Variants in SFSWAP observed in about 807,000 individuals in gnomAD.
SFSWAP encodes the protein splicing factor, suppressor of white-apricot homolog.
SFSWAP carries 17 observed loss-of-function variants against 100.7 expected under a neutral mutation model. The ratio of observed to expected loss-of-function variants is 0.17; its 90% confidence interval spans 0.12 to 0.25. The LOEUF (loss-of-function observed/expected upper bound fraction) is 0.25, where lower values mean the gene tolerates loss of function less well. Among genes scored for constraint, SFSWAP ranks in the 10% least tolerant of loss-of-function variants. The pLI, the probability that SFSWAP is intolerant of heterozygous loss-of-function variation, is 1.00. For missense variants in SFSWAP, 1,005 were observed against 1,262.6 expected (o/e 0.80, Z 3.09); for synonymous variants, 504 against 510.1 (o/e 0.99, Z 0.16).
At position 131,794,337 on chromosome 12, in the gene SFSWAP, C is replaced by CT. The variant is rs35416334; in HGVS notation, c.2535-2828dup. On this transcript the variant is annotated intron_variant, in intron 15 of 17. Coordinates refer to ENST00000261674, the MANE Select transcript of SFSWAP (RefSeq NM_004592.4). The surrounding 1 kb of genome is among the most constrained non-coding windows in gnomAD (Gnocchi z 4.8). ...ATTGCTTGAGCCCAGGATTTGCAGG[C>CT]TTTTTTTTTTTTTGGTAGAGACCCC... 0.048 allele frequency among the ~76,000 whole-genome samples: 6,319 copies of CT among 132,078 alleles called. 195 individuals are homozygous for CT. The highest frequency in any genetic ancestry group is 0.072 in the Non-Finnish European group (4,428 of 61,642). 86.6% of individuals were successfully genotyped at this position (132,078 alleles called of 152,430 possible).
chr12:131,755,621 T>C, intron 10 of SFSWAP, 142 bp downstream of exon 10: 1 of 626,822 alleles, frequency 1.6e-6, no homozygotes, highest in Admixed American at 2.9e-5. Context: ...TCTGGCATAC[T>C]CCATCTTTCA....
chr12:131,712,749 A>C (rs993932833), intron 1 of SFSWAP: 9 of 152,192 alleles, frequency 5.9e-5, no homozygotes, highest in Admixed American at 2.6e-4. Context: ...GTGCCTTCAC[A>C]CCATGGTTTA....
chr12:131,792,425 C>T (rs1461307890), intron 15 of SFSWAP, among the ~76,000 whole-genome samples: 1 of 129,144 alleles, frequency 7.7e-6, no homozygotes, highest in African/African-American at 3.1e-5. Flanking sequence ...TGCTCACAGA[C>T]CAGTACTGTG....
chr12:131,763,226 A>T (rs1882825116), intron 11 of SFSWAP, among the ~76,000 whole-genome samples: 1 of 152,142 alleles, frequency 6.6e-6, no homozygotes, highest in Non-Finnish European at 1.5e-5. Context: ...CAGGTAGCCC[A>T]CCCTGTGCTA....
chr12:131,744,450 A>G (rs575952938), intron 7 of SFSWAP, among the ~76,000 whole-genome samples: 1 of 152,336 alleles, frequency 6.6e-6, no homozygotes, highest in East Asian at 1.9e-4. Context: ...TTTTTGCCAA[A>G]ACATAAGAAG....
intron 14 of SFSWAP, among the ~76,000 whole-genome samples, chr12:131,779,195 C>CGGCGCGGGTG (rs1884267305): frequency 1.3e-5 from 2 of 149,870 alleles, no homozygotes; most frequent in Admixed American, 6.6e-5. Flanking sequence ...GTGAAGAGGG[C>CGGCGCGGGTG]AGCGCGGATG....
intron 7 of SFSWAP, among the ~76,000 whole-genome samples, chr12:131,736,776 A>G (rs1291675924): frequency 2.0e-5 from 3 of 152,134 alleles, no homozygotes; most frequent in African/African-American, 7.2e-5. Context: ...TGTATATGCG[A>G]GTTTGGGTAG....
intron 7 of SFSWAP, among the ~76,000 whole-genome samples, chr12:131,751,527 G>C (rs1038364553): frequency 6.6e-6 from 1 of 152,234 alleles, no homozygotes; most frequent in Non-Finnish European, 1.5e-5. Flanking sequence ...TGCTGGCTTC[G>C]CCCTGGCTGA....
chr12:131,799,171 G>A (rs570780178), intron 17 of SFSWAP, 62 bp downstream of exon 17: 1 of 1,368,288 alleles, frequency 7.3e-7, no homozygotes, highest in African/African-American at 1.4e-5. Context: ...TGGTTTCTCT[G>A]TTGCTAATTT....
At chr12:131,791,475 A>G (rs1186234611) in intron 15 of SFSWAP, among the ~76,000 whole-genome samples, 2 of 151,662 alleles carry the variant, frequency 1.3e-5, no homozygotes, top group African/African-American at 4.9e-5. Flanking sequence ...AGGAGGGGCC[A>G]GGCACGATGG....
In SFSWAP at chr12:131,711,140, G is replaced by C. The variant is rs1040757509; in HGVS notation, c.-90G>C. ...TGTTGAGGTTGGGTACGGGATGCGG[G>C]GTCTTTGACTGAAGGGGTAGGCCAA... On this transcript the variant is annotated 5_prime_UTR_variant, in exon 1 of 18. Transcript: ENST00000261674. This position sits in a 1 kb window ranked among gnomAD's most constrained non-coding sequence, Gnocchi z 4.9. The C allele has an allele frequency of 9.5e-7, 1 of 1,052,282 alleles. No homozygotes were observed. Among genetic ancestry groups the C allele is most frequent in the Non-Finnish European group, 1.3e-6 (1 of 746,146 alleles). The allele number at this position is 1,052,282 out of a possible 1,614,324, so 65.2% of individuals were successfully genotyped here. A position where few individuals can be genotyped will look rare whatever the true frequency, so the allele number is the denominator to read the frequency against.
At chr12:131,792,623 A>G (rs1885348709) in intron 15 of SFSWAP, among the ~76,000 whole-genome samples, 1 of 152,006 alleles carries the variant, frequency 6.6e-6, no homozygotes, top group South Asian at 2.1e-4. Flanking sequence ...ATGTGTGTTC[A>G]CAGATCAGTA....
intron 4 of SFSWAP, among the ~76,000 whole-genome samples, chr12:131,721,527 A>G (rs1000913267): frequency 2.6e-5 from 4 of 152,226 alleles, no homozygotes; most frequent in African/African-American, 7.2e-5. Flanking sequence ...TAAGTGCTCC[A>G]TCTCTATTTA....
intron 13 of SFSWAP, among the ~76,000 whole-genome samples, chr12:131,766,623 G>T (rs529907834): frequency 4.7e-4 from 72 of 152,348 alleles, no homozygotes; most frequent in African/African-American, 1.5e-3. Context: ...TCCTGCTGGG[G>T]AAATGTGGTG....
intron 4 of SFSWAP, among the ~76,000 whole-genome samples, chr12:131,722,983 C>T (rs1204385305): frequency 6.6e-6 from 1 of 152,072 alleles, no homozygotes; most frequent in Non-Finnish European, 1.5e-5. Context: ...CTCTATGAAG[C>T]AAATACAGTT....
intron 3 of SFSWAP, among the ~76,000 whole-genome samples, chr12:131,717,312 A>G (rs1878015960): frequency 6.6e-6 from 1 of 152,188 alleles, no homozygotes; most frequent in Non-Finnish European, 1.5e-5. Flanking sequence ...TGGTGCCTCC[A>G]TCTCTGATCT....
intron 3 of SFSWAP, among the ~76,000 whole-genome samples, chr12:131,717,445 A>G (rs901641806): frequency 1.3e-5 from 2 of 152,070 alleles, no homozygotes; most frequent in African/African-American, 2.4e-5. Context: ...TCACTGCTAT[A>G]TATCCATTTT....
At chr12:131,760,064 A>G (rs530947802) in intron 11 of SFSWAP, among the ~76,000 whole-genome samples, 1 of 152,330 alleles carries the variant, frequency 6.6e-6, no homozygotes, top group South Asian at 2.1e-4. Context: ...TTTGACAACC[A>G]TAATTCCATA....
rs376084110 is a variant in SFSWAP, at chr12:131,797,300, C to T, written c.2657C>T (p.Ser886Leu). The change falls in exon 16 of 18, where the codon TCG (serine) becomes TTG (leucine). Residue 886 changes from serine to leucine, a missense_variant. Ser to Leu is a moderately radical substitution (Grantham distance 145). Coordinates refer to ENST00000261674, the MANE Select transcript of SFSWAP (RefSeq NM_004592.4). The stretch of plus-strand genomic sequence containing the variant: ...CGGCCCGCGGCCCCCGCGGCCCACT[C>T]GGCGCACTCAGCCAGCGTCTCCCCT... ...APRPAAPAAH[S>L]AHSASVSPVE... 40 of 1,611,402 alleles carry T rather than the reference C, an allele frequency of 2.5e-5. No homozygotes were observed. The highest frequency in any genetic ancestry group is 3.4e-5 in the Non-Finnish European group (40 of 1,178,974).
Sources: allele counts gnomAD v4.1 joint callset (sites outside exome capture counted in the v4.1 genomes callset), GRCh38; gene constraint gnomAD v4.1.1; non-coding constraint Gnocchi (gnomAD v3.1); transcripts MANE v1.5; gene names NCBI Gene and HGNC (gene_info 2026-07-23, HGNC 2026-07-21).